METTL15: variants seen among roughly 807,000 people sequenced by gnomAD.
METTL15 encodes methyltransferase 15, mitochondrial 12S rRNA N4-cytidine.
Under a neutral mutation model 38.3 loss-of-function variants are expected in METTL15, and 34 were observed. The observed-to-expected ratio is 0.89, with a 90% CI of 0.68 to 1.18. The LOEUF is 1.18. Among genes scored for constraint, METTL15 ranks in the 50% most tolerant of loss-of-function variants. METTL15 has a pLI of 0.00. For missense variants in METTL15, 438 were observed against 498.4 expected (o/e 0.88, Z 1.15); for synonymous variants, 162 against 170.9 (o/e 0.95, Z 0.41).
chr11:28,203,161 T>C (rs1483917612), intron 3 of METTL15, among the ~76,000 whole-genome samples: 2 of 152,052 alleles, frequency 1.3e-5, no homozygotes, highest in Non-Finnish European at 2.9e-5. Context: ...AGGAATTAAA[T>C]GTGCATTATT....
At chr11:28,175,340 T>A (rs867582706) in intron 3 of METTL15, among the ~76,000 whole-genome samples, 2 of 152,144 alleles carry the variant, frequency 1.3e-5, no homozygotes, top group Non-Finnish European at 2.9e-5. Flanking sequence ...CTTAATCCAG[T>A]CTATCATTGT....
rs549678212 is a variant in METTL15, at chr11:28,193,680, ATC to A, written c.271-17380_271-17379del. On this transcript the variant is annotated intron_variant, in intron 3 of 6. Transcript: ENST00000407364. ...AACAAATTGACATCTCCAAAGGTTT[ATC>A]TGTGTGTACCGAAAATCATATCATT... 9.9e-5 allele frequency among the ~76,000 whole-genome samples: 15 copies of A among 152,208 alleles called. No individual in the cohort carries two copies. In the South Asian group the frequency reaches 3.1e-3, roughly 32 times the overall value.
chr11:28,353,315 A>G (rs1033993713), intron 4 of METTL15, among the ~76,000 whole-genome samples: 1 of 152,172 alleles, frequency 6.6e-6, no homozygotes, highest in Non-Finnish European at 1.5e-5. Flanking sequence ...TTTGAAGAGA[A>G]AAATGTTGTT....
intron 5 of METTL15, among the ~76,000 whole-genome samples, chr11:28,388,744 A>C (rs1850468127): frequency 6.6e-6 from 1 of 152,112 alleles, no homozygotes; most frequent in Admixed American, 6.6e-5. Context: ...GGTTTGTTAC[A>C]TATGTATACA....
intron 5 of METTL15, among the ~76,000 whole-genome samples, chr11:28,387,199 A>T (rs1000858995): frequency 3.3e-5 from 5 of 152,110 alleles, no homozygotes; most frequent in African/African-American, 1.2e-4. Context: ...ATGAGCTAAT[A>T]AATATTAGAG....
At chr11:28,451,002 T>G (rs1851115726) in intron 6 of METTL15, among the ~76,000 whole-genome samples, 1 of 152,206 alleles carries the variant, frequency 6.6e-6, no homozygotes, top group Non-Finnish European at 1.5e-5. Flanking sequence ...TAGTAAATGA[T>G]GGGCTTGGGA....
At chr11:28,271,095 T>C (rs942538784) in intron 4 of METTL15, among the ~76,000 whole-genome samples, 4 of 152,174 alleles carry the variant, frequency 2.6e-5, no homozygotes, top group Non-Finnish European at 5.9e-5. Flanking sequence ...TTTAGAAATC[T>C]ATTAAGTCTA....
intron 6 of METTL15, among the ~76,000 whole-genome samples, chr11:28,429,317 G>A (rs1451326142): frequency 6.6e-6 from 1 of 151,002 alleles, no homozygotes; most frequent in Non-Finnish European, 1.5e-5. Flanking sequence ...GGTAAAAAGT[G>A]CCTTCTTATA....
chr11:28,224,613 C>G, intron 4 of METTL15, among the ~76,000 whole-genome samples: 1 of 151,716 alleles, frequency 6.6e-6, no homozygotes, highest in East Asian at 1.9e-4. Context: ...GCACATTCCT[C>G]TTTCATTAGA....
rs766953698 is a variant in METTL15 at position 28,134,852 on chromosome 11, T to C, written c.270+21248T>C. Among the ~76,000 whole-genome samples the C allele has an allele frequency of 2.0e-5, 3 of 152,354 alleles. No homozygotes were observed. In the East Asian group the frequency reaches 5.8e-4, roughly 29 times the overall value. On this transcript the variant is annotated intron_variant, in intron 3 of 6. Coordinates refer to ENST00000407364, the MANE Select transcript of METTL15 (RefSeq NM_001113528.2). The stretch of plus-strand genomic sequence containing the variant: ...AGCTGGTAGCTAGCTATAGTTACTA[T>C]ACCTGCTAAGATTTGGGTGCATGGG...
intron 6 of METTL15, among the ~76,000 whole-genome samples, chr11:28,494,679 T>C (rs952731996): frequency 3.3e-5 from 5 of 151,940 alleles, no homozygotes; most frequent in Non-Finnish European, 7.4e-5. Context: ...ATCACGGGGG[T>C]GGGTCTTTCC....
intron 4 of METTL15, among the ~76,000 whole-genome samples, chr11:28,245,401 C>A (rs1029711274): frequency 6.6e-6 from 1 of 152,058 alleles, no homozygotes; most frequent in African/African-American, 2.4e-5. Context: ...ACTACTATTT[C>A]AAGGTGGTTA....
intron 3 of METTL15, among the ~76,000 whole-genome samples, chr11:28,174,196 ATTTG>A (rs968984394): frequency 1.3e-5 from 2 of 152,038 alleles, no homozygotes; most frequent in African/African-American, 4.8e-5. Context: ...TTCTCCATTT[ATTTG>A]TTTGTCCAAT....
intron 5 of METTL15, among the ~76,000 whole-genome samples, chr11:28,388,857 G>A (rs544261513): frequency 6.6e-6 from 1 of 152,130 alleles, no homozygotes; most frequent in South Asian, 2.1e-4. Flanking sequence ...ACAGGCCCCG[G>A]TGTGTGATGT....
chr11:28,244,810 G>T (rs1266711932), intron 4 of METTL15, among the ~76,000 whole-genome samples: 2 of 152,330 alleles, frequency 1.3e-5, no homozygotes, highest in East Asian at 3.9e-4. Flanking sequence ...GGGTACTAGA[G>T]CTCAAGGACC....
chr11:28,275,857 C>T (rs977286961), intron 4 of METTL15, among the ~76,000 whole-genome samples: 1 of 152,032 alleles, frequency 6.6e-6, no homozygotes, highest in African/African-American at 2.4e-5. Flanking sequence ...ATATATTAAT[C>T]TCAGTATACA....
At chr11:28,528,358 G>C (rs990388889), downstream of METTL15, among the ~76,000 whole-genome samples, 2 of 152,168 alleles carry the variant, frequency 1.3e-5, no homozygotes, top group African/African-American at 4.8e-5. Context: ...ATTATGTAAG[G>C]ACTGTCCAAA....
chr11:28,420,864 C>T (rs1337123266), intron 5 of METTL15, among the ~76,000 whole-genome samples: 2 of 151,600 alleles, frequency 1.3e-5, no homozygotes, highest in African/African-American at 4.8e-5. Flanking sequence ...TTACAAAGAT[C>T]CGAGCAGAAA....
intron 6 of METTL15, among the ~76,000 whole-genome samples, chr11:28,465,735 A>G (rs1386084204): frequency 6.6e-6 from 1 of 152,100 alleles, no homozygotes; most frequent in East Asian, 1.9e-4. Flanking sequence ...ATCCTATACT[A>G]CAGCAAGATT....
Sources: gnomAD v4.1 joint callset for allele counts (sites outside exome capture counted in the v4.1 genomes callset) on GRCh38, gnomAD v4.1.1 for gene constraint, MANE v1.5 for transcripts, NCBI Gene and HGNC (gene_info 2026-07-23, HGNC 2026-07-21) for gene names.